The following EIF2D variants were observed in gnomAD, a reference collection of about 807,000 sequenced individuals.
EIF2D encodes the protein eukaryotic translation initiation factor 2D, also known as hepatocellular carcinoma-associated antigen 56.
Under a neutral mutation model 77.4 loss-of-function variants are expected in EIF2D, and 56 were observed. That is an observed-to-expected ratio of 0.72 (90% CI 0.58 to 0.90). The LOEUF (loss-of-function observed/expected upper bound fraction) is 0.90, where lower values mean the gene tolerates loss of function less well. EIF2D is among the 40% of genes least tolerant of loss of function. The pLI is 0.00. For missense variants in EIF2D, 574 were observed against 706.5 expected (o/e 0.81, Z 2.13); for synonymous variants, 230 against 271.0 (o/e 0.85, Z 1.49).
intron 4 of EIF2D, among the ~76,000 whole-genome samples, chr1:206,605,958 G>A (rs1367184003): frequency 1.3e-5 from 2 of 152,210 alleles, no homozygotes; most frequent in Non-Finnish European, 2.9e-5. Context: ...AGGGAAGAGA[G>A]AAGAGACACA....
chr1:206,570,078 CTTTTTTT>C (rs375900760), downstream of EIF2D, among the ~76,000 whole-genome samples: 188 of 119,334 alleles, frequency 1.6e-3, 4 homozygotes, highest in Middle Eastern at 4.2e-3. Flanking sequence ...TAAAATTTAC[CTTTTTTT>C]TTTTTTTTTT....
intron 2 of EIF2D, among the ~76,000 whole-genome samples, chr1:206,610,706 T>A (rs6540491): frequency 0.089 from 13,412 of 151,332 alleles, 679 homozygotes; most frequent in South Asian, 0.15. Flanking sequence ...CTGTAGTTCC[T>A]GCTACTCGGG....
chr1:206,606,235 G>A (rs1012736136), intron 4 of EIF2D, among the ~76,000 whole-genome samples: 30 of 152,140 alleles, frequency 2.0e-4, no homozygotes, highest in African/African-American at 6.5e-4. Context: ...AGGTAGCCAG[G>A]GTCCAAGTGA....
intron 4 of EIF2D, among the ~76,000 whole-genome samples, chr1:206,576,566 A>C (rs572148020): frequency 2.0e-4 from 30 of 152,364 alleles, no homozygotes; most frequent in African/African-American, 6.5e-4. Flanking sequence ...AGTATGATTC[A>C]GGAGAAAGAG....
downstream of EIF2D, chr1:206,587,152 G>C: frequency 1.4e-6 from 1 of 718,950 alleles, no homozygotes; most frequent in Non-Finnish European, 2.3e-6. Flanking sequence ...CGAGGGTTCA[G>C]CTGTGCCCGC....
At chr1:206,603,927 T>G in intron 5 of EIF2D, among the ~76,000 whole-genome samples, 1 of 152,152 alleles carries the variant, frequency 6.6e-6, no homozygotes. Context: ...TAGGCTATTC[T>G]GATCAGGTAA....
downstream of EIF2D, among the ~76,000 whole-genome samples, chr1:206,590,332 T>C (rs1669302561): frequency 6.6e-6 from 1 of 152,172 alleles, no homozygotes. Flanking sequence ...CTTTGTGTCT[T>C]CAGCAGAGAT....
rs909474724 is a variant in EIF2D at position 206,605,254 on chromosome 1, T to C, written c.530+146A>G. On this transcript the variant is annotated intron_variant, in intron 5 of 14. Coordinates refer to ENST00000271764, the MANE Select transcript of EIF2D (RefSeq NM_006893.3). ...CAAACAGGGGAAAAAAATATTTTCT[T>C]TATATTTGTAAGGAAATAAAAGTCT... The C allele has an allele frequency of 1.5e-5, 8 of 528,214 alleles. No homozygotes were observed. The South Asian group carries it at 2.5e-4, about 17-fold the overall frequency. 32.7% of individuals were successfully genotyped at this position (528,214 alleles called of 1,614,324 possible). A position where few individuals can be genotyped will look rare whatever the true frequency, so the allele number is the denominator to read the frequency against.
chr1:206,599,693 G>A lies in EIF2D; in HGVS notation c.1052+40C>T. ...CCCCAGTCCGTGGCCCAGGTGCCCT[G>A]GGGCCAGCTGGGCTACAGTGACAGG... On this transcript the variant is annotated intron_variant, in intron 9 of 14. Coordinates refer to ENST00000271764, the MANE Select transcript of EIF2D (RefSeq NM_006893.3). This position sits in a 1 kb window ranked among gnomAD's most constrained non-coding sequence, Gnocchi z 4.1. 6.2e-7 allele frequency: 1 copy of A among 1,612,774 alleles called. No homozygotes were observed. Among genetic ancestry groups the A allele is most frequent in the Non-Finnish European group, 8.5e-7 (1 of 1,178,970 alleles).
At chr1:206,578,742 C>A (rs981437563) in intron 4 of EIF2D, among the ~76,000 whole-genome samples, 5 of 152,174 alleles carry the variant, frequency 3.3e-5, no homozygotes, top group Non-Finnish European at 7.4e-5. Context: ...CCTCTCATTG[C>A]CACAGCATTC....
At chr1:206,602,744 G>T in intron 6 of EIF2D, 1 of 777,706 alleles carries the variant, frequency 1.3e-6, no homozygotes, top group Non-Finnish European at 2.0e-6. Context: ...TGCCAGGGCA[G>T]ATTAGCTCCC....
downstream of EIF2D, chr1:206,588,675 CAT>C (rs1217564206): frequency 6.6e-6 from 1 of 152,484 alleles, no homozygotes; most frequent in Non-Finnish European, 1.5e-5. Context: ...ATGAACTGTG[CAT>C]AGTCTCCAGA....
rs183966180 is a variant in EIF2D, at chr1:206,593,031, G to A, written c.1684+588C>T. On this transcript the variant is annotated intron_variant, in intron 14 of 14. Coordinates refer to ENST00000271764, the MANE Select transcript of EIF2D (RefSeq NM_006893.3). ...GCAGGGGAATGACTGGAACCTGGAA[G>A]GTGGAGGCTGCAGTGAGTGCAGTGA... 2.0e-5 allele frequency among the ~76,000 whole-genome samples: 3 copies of A among 152,244 alleles called. No homozygotes were observed. The East Asian group carries it at 5.8e-4, about 29-fold the overall frequency.
chr1:206,606,743 A>C (rs1275156477), intron 4 of EIF2D, among the ~76,000 whole-genome samples: 7 of 152,228 alleles, frequency 4.6e-5, no homozygotes, highest in African/African-American at 1.7e-4. Flanking sequence ...CTCTCAAAGA[A>C]GAAATTATCA....
At chr1:206,585,505 G>A in intron 2 of EIF2D, 1 of 444,068 alleles carries the variant, frequency 2.3e-6, no homozygotes. Context: ...ATTAGGGCCT[G>A]TGTGTGGCAA....
chr1:206,574,138 C>G (rs959084908), intron 4 of EIF2D, among the ~76,000 whole-genome samples: 13 of 152,250 alleles, frequency 8.5e-5, no homozygotes, highest in African/African-American at 2.7e-4. Flanking sequence ...ATAACCCACT[C>G]TAGCTGAGCT....
In EIF2D at chr1:206,593,659, G is replaced by A; in HGVS notation, c.1644C>T (p.Ile548=). Residue 548 remains isoleucine, a synonymous_variant, in exon 14 of 15, where the codon ATC becomes ATT. Transcript: ENST00000271764. The part of the protein sequence containing the change: ...PGAKDSLQVQ[I]QGNQVHHLGW... Reference sequence around the variant, plus strand: ...CGAGGTGGTGGACCTGGTTTCCCTGGATCTGCACCTGAAGGCTGTCCTTGG... The same window carrying A: ...CGAGGTGGTGGACCTGGTTTCCCTGAATCTGCACCTGAAGGCTGTCCTTGG... The A allele has an allele frequency of 3.7e-6, 6 of 1,613,222 alleles. No homozygotes were observed. Among genetic ancestry groups the A allele is most frequent in the Non-Finnish European group, 5.1e-6 (6 of 1,179,348 alleles).
At chr1:206,609,565 A>G in intron 2 of EIF2D, 106 bp from the exon 3 acceptor site, 1 of 891,836 alleles carries the variant, frequency 1.1e-6, no homozygotes, top group Non-Finnish European at 1.7e-6. Context: ...CAGGAAAGAA[A>G]CTCAACTCAA....
chr1:206,609,179 A>G (rs782621116), intron 3 of EIF2D, among the ~76,000 whole-genome samples, 197 bp downstream of exon 3: 1 of 152,262 alleles, frequency 6.6e-6, no homozygotes, highest in Non-Finnish European at 1.5e-5. Context: ...CACAACACTT[A>G]TTTAAGCCTT....
Sources: gnomAD v4.1 joint callset for allele counts (sites outside exome capture counted in the v4.1 genomes callset) on GRCh38, gnomAD v4.1.1 for gene constraint, Gnocchi (gnomAD v3.1) non-coding constraint, MANE v1.5 for transcripts, NCBI Gene and HGNC (gene_info 2026-07-23, HGNC 2026-07-21) for gene names.